Variants in KLK6 observed in about 807,000 individuals in gnomAD.
KLK6 encodes the protein kallikrein related peptidase 6.
In KLK6, 16 loss-of-function variants were observed where a neutral mutation model predicts 21.7. The ratio of observed to expected loss-of-function variants is 0.74; its 90% CI spans 0.50 to 1.12. KLK6 has a LOEUF of 1.12. Among genes scored for constraint, KLK6 ranks in the 50% most tolerant of loss-of-function variants. The pLI, the probability that KLK6 is intolerant of heterozygous loss-of-function variation, is 0.00. For missense variants in KLK6, 276 were observed against 304.6 expected (o/e 0.91, Z 0.70); for synonymous variants, 116 against 120.1 (o/e 0.97, Z 0.22).
At chr19:50,960,083 A>G (rs1318210165) in intron 6 of KLK6, among the ~76,000 whole-genome samples, 1 of 47,550 alleles carries the variant, frequency 2.1e-5, no homozygotes, top group African/African-American at 9.2e-5. Flanking sequence ...GGGGAGGAGG[A>G]GGGGGAGGAG....
chr19:50,968,153 AC>A, intron 2 of KLK6, 41 bp from the exon 3 acceptor site: 1 of 1,569,230 alleles, frequency 6.4e-7, no homozygotes, highest in Non-Finnish European at 8.8e-7. Context: ...CACTGCCTCG[AC>A]CCTCCCCCCA....
At chr19:50,964,334 T>G (rs1193796374) in intron 4 of KLK6, among the ~76,000 whole-genome samples, 1 of 152,238 alleles carries the variant, frequency 6.6e-6, no homozygotes, top group Non-Finnish European at 1.5e-5. Context: ...CCTCCCCTGC[T>G]TTCTGTTCCA....
chr19:50,967,113 A>C, intron 4 of KLK6, 56 bp downstream of exon 4: 2 of 1,603,124 alleles, frequency 1.2e-6, no homozygotes, highest in Non-Finnish European at 1.7e-6. Context: ...CCTGACATCT[A>C]TAAGACACCC....
At chr19:50,969,125 G>A (rs1451534001) in intron 1 of KLK6, among the ~76,000 whole-genome samples, 2 of 151,744 alleles carry the variant, frequency 1.3e-5, no homozygotes, top group Non-Finnish European at 2.9e-5. Context: ...GTCTGAGGGA[G>A]GAGGGGCTGG....
Position 50,959,216 on chromosome 19 carries a change from G to A in KLK6, c.683C>T (p.Thr228Ile), listed in dbSNP as rs1385373118. The A allele has an allele frequency of 1.2e-6, 2 of 1,614,088 alleles. No homozygotes were observed. The highest frequency in any genetic ancestry group is 1.7e-6 in the Non-Finnish European group (2 of 1,180,018). ...CGSKEKPGVY[T>I]NVCRYTNWIQ... Reference sequence around the variant, plus strand: ...CCAGTTCGTGTATCTGCAGACGTTGGTGTAGACTCCTGGCTTCTCCTTTGA... The same window carrying A: ...CCAGTTCGTGTATCTGCAGACGTTGATGTAGACTCCTGGCTTCTCCTTTGA... Residue 228 changes from threonine (T) to isoleucine (I), a missense_variant, in exon 7 of 7, where the codon ACC (threonine) becomes ATC (isoleucine). Transcript: ENST00000310157.
chr19:50,966,670 G>A (rs1344529627), intron 4 of KLK6, among the ~76,000 whole-genome samples: 4 of 152,216 alleles, frequency 2.6e-5, no homozygotes, highest in East Asian at 1.9e-4. Flanking sequence ...GCAAGGTGGT[G>A]CACACCTGTA....
chr19:50,963,173 C>T (rs1299057222), intron 5 of KLK6, 129 bp downstream of exon 5: 5 of 1,322,968 alleles, frequency 3.8e-6, no homozygotes, highest in Non-Finnish European at 5.2e-6. Context: ...CCATTGAAAC[C>T]CTGTCCCATT....
At position 50,965,780 on chromosome 19, in the gene KLK6, G is replaced by C. The variant is rs186888743; in HGVS notation, c.197+1389C>G. ...TTGGGGTCAGGGGAACCACCCCAGG[G>C]ATTGTCACTTGCTATTTCCCTGCAC... On this transcript the variant is annotated intron_variant, in intron 4 of 6. Transcript: ENST00000310157. 2.0e-5 allele frequency among the ~76,000 whole-genome samples: 3 copies of C among 152,310 alleles called. No individual in the cohort carries two copies. The East Asian group carries it at 5.8e-4, about 29-fold the overall frequency.
Position 50,963,414 on chromosome 19 carries a change from G to A in KLK6, c.333C>T (p.Arg111=), listed in dbSNP as rs372317871. ...CAGAGAGTTTGGCTGGGCGTGCCAG[G>A]CGCAACAGCATGATGTCCTGGTCAT... ...ASHDQDIMLL[R]LARPAKLSEL... Residue 111 remains arginine (R), a synonymous_variant, in exon 5 of 7, where the codon CGC becomes CGT. Transcript: ENST00000310157. 42 of 1,614,120 alleles carry A rather than the reference G, an allele frequency of 2.6e-5. 1 individual carries two copies. The South Asian group carries it at 4.1e-4, about 16-fold the overall frequency.
chr19:50,968,392 T>C (rs11666929), intron 2 of KLK6, 149 bp downstream of exon 2: 29,418 of 518,068 alleles, frequency 0.057, 984 homozygotes, highest in Middle Eastern at 0.071. Context: ...TCTTGGGCAC[T>C]GATTTGCCTT....
chr19:50,965,759 G>A (rs1196477582), intron 4 of KLK6, among the ~76,000 whole-genome samples: 1 of 152,160 alleles, frequency 6.6e-6, no homozygotes, highest in African/African-American at 2.4e-5. Context: ...GTCTCCTTGG[G>A]GTCAGGGGAA....
intron 4 of KLK6, 85 bp downstream of exon 4, chr19:50,967,084 A>T: frequency 6.8e-7 from 1 of 1,464,064 alleles, no homozygotes; most frequent in Non-Finnish European, 9.5e-7. Context: ...GATGGGGGGG[A>T]TGCCTATGTC....
At position 50,959,229 on chromosome 19, in the gene KLK6, G is replaced by T. The variant is rs533632430; in HGVS notation, c.670C>A (p.Pro224Thr). The change falls in exon 7 of 7, where the codon CCA (proline) becomes ACA (threonine). Residue 224 changes from proline to threonine, a missense_variant. Physicochemically the swap from Pro to Thr is conservative, Grantham distance 38 (BLOSUM62 -1). Transcript: ENST00000310157. The part of the protein sequence containing the change: ...GNIPCGSKEK[P>T]GVYTNVCRYT... ...CTGCAGACGTTGGTGTAGACTCCTG[G>T]CTTCTCCTTTGATCCACAGGGGATG... 2 of 1,613,826 alleles carry T rather than the reference G, an allele frequency of 1.2e-6. No homozygotes were observed. The highest frequency in any genetic ancestry group is 1.1e-5 in the South Asian group (1 of 91,054).
intron 2 of KLK6, 105 bp from the exon 3 acceptor site, chr19:50,968,217 T>C: frequency 2.9e-6 from 3 of 1,020,034 alleles, no homozygotes; most frequent in Non-Finnish European, 4.7e-6. Flanking sequence ...CCTGCTATGG[T>C]CTCCTGCCTT....
chr19:50,967,502 A>T (rs557661800), intron 3 of KLK6, among the ~76,000 whole-genome samples, 177 bp from the exon 4 acceptor site: 1 of 93,686 alleles, frequency 1.1e-5, no homozygotes, highest in African/African-American at 5.8e-5. Context: ...ACACAGTGAG[A>T]CCTCATCTCC....
intron 4 of KLK6, among the ~76,000 whole-genome samples, chr19:50,965,606 C>T (rs1045504417): frequency 6.6e-6 from 1 of 152,196 alleles, no homozygotes; most frequent in African/African-American, 2.4e-5. Context: ...ACCTTTCTGT[C>T]CTTGTGCTCC....
intron 3 of KLK6, among the ~76,000 whole-genome samples, chr19:50,967,551 A>ACACACACACACAC (rs1555781646): frequency 2.2e-4 from 32 of 143,324 alleles, no homozygotes; most frequent in East Asian, 4.2e-4. Context: ...ACACACACAC[A>ACACACACACACAC]AATTAGCAGG....
rs1191478977 is a variant in KLK6, at chr19:50,959,189, A to G, written c.710T>C (p.Ile237Thr). The change falls in exon 7 of 7, where the codon ATC becomes ACC. Residue 237 changes from isoleucine (I) to threonine (T), a missense_variant. Transcript: ENST00000310157. ...TCACTTGGCCTGAATGGTTTTTTGG[A>G]TCCAGTTCGTGTATCTGCAGACGTT... ...YTNVCRYTNW[I>T]QKTIQAK 1 of 1,613,712 alleles carries G rather than the reference A, an allele frequency of 6.2e-7. No individual in the cohort carries two copies. Among genetic ancestry groups the G allele is most frequent in the Non-Finnish European group, 8.5e-7 (1 of 1,179,968 alleles).
chr19:50,961,434 A>T (rs565710346), intron 6 of KLK6, among the ~76,000 whole-genome samples: 97 of 147,964 alleles, frequency 6.6e-4, no homozygotes, highest in African/African-American at 2.3e-3. Context: ...GGCCTCCCAA[A>T]GTGCCGGGAT....
Sources: gnomAD v4.1 joint callset for allele counts (sites outside exome capture counted in the v4.1 genomes callset) on GRCh38, gnomAD v4.1.1 for gene constraint, MANE v1.5 for transcripts, NCBI Gene and HGNC (gene_info 2026-07-23, HGNC 2026-07-21) for gene names.